RARB: variants seen among roughly 807,000 people sequenced by gnomAD.
The protein encoded by RARB is retinoic acid receptor beta.
RARB carries 17 observed loss-of-function variants against 51.9 expected under a neutral mutation model. The observed-to-expected ratio is 0.33, with a 90% CI of 0.22 to 0.49. The LOEUF is 0.49. RARB is among the 20% of genes least tolerant of loss of function. The pLI is 0.99. For missense variants in RARB, 369 were observed against 550.8 expected (o/e 0.67, Z 3.30); for synonymous variants, 215 against 195.4 (o/e 1.10, Z -0.84).
chr3:25,455,318 G>A (rs1694850782), intron 1 of RARB, among the ~76,000 whole-genome samples: 1 of 152,154 alleles, frequency 6.6e-6, no homozygotes, highest in Non-Finnish European at 1.5e-5. Context: ...CAATCCATGA[G>A]GGATTGGGGG....
chr3:24,852,571 G>T (rs1037358610), intron 1 of RARB, among the ~76,000 whole-genome samples: 4 of 152,210 alleles, frequency 2.6e-5, no homozygotes, highest in African/African-American at 7.2e-5. Context: ...ATTTATGGTA[G>T]CATTATTCAT....
intron 3 of RARB, among the ~76,000 whole-genome samples, chr3:25,509,753 A>C (rs753065073): frequency 6.6e-6 from 1 of 152,240 alleles, no homozygotes; most frequent in African/African-American, 2.4e-5. Flanking sequence ...AGTCAGCTCA[A>C]GGTGAGGCCA....
chr3:25,009,447 G>C (rs1697347706), intron 2 of RARB, among the ~76,000 whole-genome samples: 1 of 152,050 alleles, frequency 6.6e-6, no homozygotes, highest in African/African-American at 2.4e-5. Context: ...GTCTTCACAA[G>C]TAAAATGGGT....
At chr3:25,490,736 T>C (rs2125591861) in intron 2 of RARB, among the ~76,000 whole-genome samples, 1 of 152,314 alleles carries the variant, frequency 6.6e-6, no homozygotes, top group South Asian at 2.1e-4. Flanking sequence ...ATTTAAAAAC[T>C]TAAAATTCAT....
At chr3:25,537,455 T>C (rs1196494579) in intron 3 of RARB, among the ~76,000 whole-genome samples, 2 of 152,192 alleles carry the variant, frequency 1.3e-5, no homozygotes, top group Non-Finnish European at 2.9e-5. Context: ...ATTGATATAG[T>C]CTACATTCGC....
chr3:24,975,523 G>T (rs1696491449), intron 2 of RARB, among the ~76,000 whole-genome samples: 1 of 152,102 alleles, frequency 6.6e-6, no homozygotes, highest in Non-Finnish European at 1.5e-5. Flanking sequence ...GATGCAGAAA[G>T]AGAATACATA....
intron 2 of RARB, among the ~76,000 whole-genome samples, chr3:24,872,714 C>A (rs530432456): frequency 6.6e-6 from 1 of 152,234 alleles, no homozygotes; most frequent in East Asian, 1.9e-4. Flanking sequence ...GGGGTCCGCT[C>A]CCATGACCCA....
intron 2 of RARB, among the ~76,000 whole-genome samples, chr3:25,022,344 T>C (rs1575122757): frequency 6.6e-6 from 1 of 152,242 alleles, no homozygotes; most frequent in Admixed American, 6.5e-5. Context: ...TTGTGTTTTT[T>C]TGTGTGTTGA....
chr3:25,455,383 G>A (rs1694855101), intron 1 of RARB, among the ~76,000 whole-genome samples: 1 of 152,196 alleles, frequency 6.6e-6, no homozygotes, highest in Non-Finnish European at 1.5e-5. Context: ...CGAATTTAAA[G>A]CAAATGTCCT....
chr3:25,092,154 A>G (rs1426560793), intron 3 of RARB, among the ~76,000 whole-genome samples: 3 of 152,162 alleles, frequency 2.0e-5, no homozygotes, highest in African/African-American at 7.2e-5. Context: ...GGCACTTAGG[A>G]GAGAGGAGGC....
intron 5 of RARB, among the ~76,000 whole-genome samples, chr3:25,265,484 T>A (rs1029542754): frequency 2.6e-5 from 4 of 152,138 alleles, no homozygotes; most frequent in African/African-American, 7.2e-5. Flanking sequence ...TTTGTTGTCA[T>A]TGTTTTGAGA....
intron 5 of RARB, among the ~76,000 whole-genome samples, chr3:25,307,499 A>G (rs577209281): frequency 7.2e-5 from 11 of 152,274 alleles, no homozygotes; most frequent in African/African-American, 2.4e-4. Context: ...AAATTCCTCA[A>G]TGGCATCTCT....
At chr3:25,539,255 T>C (rs966518345) in intron 3 of RARB, among the ~76,000 whole-genome samples, 1 of 152,212 alleles carries the variant, frequency 6.6e-6, no homozygotes, top group Non-Finnish European at 1.5e-5. Context: ...ATGGGAAGAA[T>C]GTCTCATGGT....
At chr3:24,831,414 C>T (rs1464604632) in intron 1 of RARB, among the ~76,000 whole-genome samples, 1 of 152,122 alleles carries the variant, frequency 6.6e-6, no homozygotes, top group African/African-American at 2.4e-5. Flanking sequence ...GACAAAAGCA[C>T]ATCTGAGACG....
chr3:25,042,674 CTT>C (rs1361642489), intron 2 of RARB, among the ~76,000 whole-genome samples: 1 of 152,176 alleles, frequency 6.6e-6, no homozygotes, highest in Non-Finnish European at 1.5e-5. Flanking sequence ...ACTTAACACA[CTT>C]ATAACGATGT....
chr3:24,990,803 G>A (rs1228235209), intron 2 of RARB, among the ~76,000 whole-genome samples: 1 of 152,088 alleles, frequency 6.6e-6, no homozygotes. Flanking sequence ...AATTTGACAA[G>A]CATCCAACAA....
intron 1 of RARB, among the ~76,000 whole-genome samples, chr3:24,856,946 T>G (rs932080263): frequency 2.0e-5 from 3 of 152,178 alleles, no homozygotes; most frequent in African/African-American, 7.2e-5. Context: ...TTGATTTATT[T>G]GGTAGAGAAA....
intron 3 of RARB, among the ~76,000 whole-genome samples, chr3:25,529,678 C>A (rs1698810985): frequency 6.6e-6 from 1 of 152,120 alleles, no homozygotes; most frequent in African/African-American, 2.4e-5. Context: ...TATTCCATAT[C>A]TTGATCATAG....
intron 5 of RARB, among the ~76,000 whole-genome samples, chr3:25,301,400 C>A (rs1704034126): frequency 6.6e-6 from 1 of 152,136 alleles, no homozygotes; most frequent in Non-Finnish European, 1.5e-5. Flanking sequence ...TGGCTTCAAG[C>A]TTTTACAGGA....
Sources: allele counts gnomAD v4.1 joint callset (sites outside exome capture counted in the v4.1 genomes callset), GRCh38; gene constraint gnomAD v4.1.1; transcripts MANE v1.5; gene names NCBI Gene and HGNC (gene_info 2026-07-23, HGNC 2026-07-21).